Variants in APC2 observed in about 807,000 individuals in gnomAD.
APC2 encodes the protein APC regulator of Wnt signaling pathway 2.
A neutral mutation model predicts 72.5 loss-of-function variants in APC2; 41 were observed. The observed-to-expected ratio is 0.57, with a 90% CI of 0.44 to 0.73. The LOEUF (loss-of-function observed/expected upper bound fraction) is 0.73. Among genes scored for constraint, APC2 ranks in the 30% least tolerant of loss-of-function variants. The pLI is 0.00. For missense variants in APC2, 3,729 were observed against 3,403.4 expected (o/e 1.10, Z -2.38); for synonymous variants, 1,898 against 1,612.0 (o/e 1.18, Z -4.25).
Position 1,450,144 on chromosome 19 carries a change from G to A in APC2, c.-213G>A, listed in dbSNP as rs953503917. The A allele has an allele frequency of 6.1e-6, 6 of 985,122 alleles. No homozygotes were observed. The highest frequency in any genetic ancestry group is 5.2e-5 in the African/African-American group (3 of 57,196). The allele number at this position is 985,122 out of a possible 1,614,324, so 61.0% of individuals were successfully genotyped here. A position where few individuals can be genotyped will look rare whatever the true frequency, so the allele number is the denominator to read the frequency against. The stretch of plus-strand genomic sequence containing the variant: ...TCGCGGTGGTCTCGCCCAGCGCTAG[G>A]AGCGGCAGCGCCGCCTGCCCAGGCC... On this transcript the variant is annotated 5_prime_UTR_variant, in exon 1 of 15. Coordinates refer to ENST00000590469, the MANE Select transcript of APC2 (RefSeq NM_005883.3).
Position 1,469,165 on chromosome 19 carries a change from G to A in APC2, c.5864G>A (p.Gly1955Asp), listed in dbSNP as rs1427484389. The part of the protein sequence containing the change: ...ARAVPEPGPR[G>D]RAGTEAGPGA... ...GCAGTCCCGGAGCCGGGCCCCAGGG[G>A]CCGGGCGGGGACCGAGGCGGGCCCG... Residue 1955 changes from glycine (G) to aspartate (D), a missense_variant, in exon 15 of 15, where the codon GGC becomes GAC. By Grantham distance (94) the Gly-to-Asp change is moderately conservative. Coordinates refer to ENST00000590469, the MANE Select transcript of APC2 (RefSeq NM_005883.3). 11 of 1,281,140 alleles carry A rather than the reference G, an allele frequency of 8.6e-6. No individual in the cohort carries two copies. In the East Asian group the frequency reaches 1.9e-4, roughly 22 times the overall value. The allele number at this position is 1,281,140 out of a possible 1,614,324, so 79.4% of individuals were successfully genotyped here.
chr19:1,467,130 A>G lies in APC2; in HGVS notation c.3829A>G (p.Ser1277Gly). Residue 1277 changes from serine to glycine, a missense_variant, in exon 15 of 15, where the codon AGC (serine) becomes GGC (glycine). Transcript: ENST00000590469. ...KPDENFSCAS[S>G]LSALALHEHY... ...AGACGAGAACTTCTCGTGCGCCTCC[A>G]GCCTCAGCGCGCTGGCCTTGCACGA... 1.9e-6 allele frequency: 3 copies of G among 1,587,112 alleles called. No homozygotes were observed. The highest frequency in any genetic ancestry group is 2.6e-6 in the Non-Finnish European group (3 of 1,166,132).
rs181292388 is a variant in APC2, at chr19:1,458,227, C to G, written c.1303+167C>G. Reference sequence around the variant, plus strand: ...CACATAGCACCTCTCATGAGTGGACCGTCACCCTGGGCCCTCTGTCCCCAT... The same window carrying G: ...CACATAGCACCTCTCATGAGTGGACGGTCACCCTGGGCCCTCTGTCCCCAT... On this transcript the variant is annotated intron_variant, in intron 10 of 14. Coordinates refer to ENST00000590469, the MANE Select transcript of APC2 (RefSeq NM_005883.3). The G allele has an allele frequency of 4.6e-6, 3 of 652,652 alleles. No homozygotes were observed. In the Admixed American group the frequency reaches 7.3e-5, roughly 16 times the overall value. The allele number at this position is 652,652 out of a possible 1,614,324, so 40.4% of individuals were successfully genotyped here.
At position 1,466,698 on chromosome 19, in the gene APC2, C is replaced by G. The variant is rs200660071; in HGVS notation, c.3397C>G (p.Arg1133Gly). Reference sequence around the variant, plus strand: ...AGCCATTCCGGCTCCCCGGCGTAACCGAGGCCGGGGCCTGGGGGTGGAAGA... The same window carrying G: ...AGCCATTCCGGCTCCCCGGCGTAACGGAGGCCGGGGCCTGGGGGTGGAAGA... ...PVAIPAPRRN[R>G]GRGLGVEDAT... Residue 1133 changes from arginine to glycine, a missense_variant, in exon 15 of 15, where the codon CGA (arginine) becomes GGA (glycine). By Grantham distance (125) the Arg-to-Gly change is moderately radical. Transcript: ENST00000590469. 2.5e-5 allele frequency: 38 copies of G among 1,521,294 alleles called. No homozygotes were observed. In the Middle Eastern group the frequency reaches 1.0e-3, roughly 41 times the overall value. The allele number at this position is 1,521,294 out of a possible 1,614,324, so 94.2% of individuals were successfully genotyped here.
chr19:1,460,902 A>T (rs775899156), intron 12 of APC2, 45 bp downstream of exon 12: 1 of 1,607,584 alleles, frequency 6.2e-7, no homozygotes, highest in Admixed American at 1.7e-5. Flanking sequence ...TGTCCCTGAT[A>T]GGCAGAGGCC....
Position 1,469,403 on chromosome 19 carries a change from C to T in APC2, c.6102C>T (p.Pro2034=). The change falls in exon 15 of 15, where the codon CCC becomes CCT. Residue 2034 remains proline, a synonymous_variant. Transcript: ENST00000590469. ...CCCGCCGCGGCCGGCCCGCGCTGCC[C>T]GCCGTCTTCCTCTGCTCCTCGCGCT... The part of the protein sequence containing the change: ...ASPRRGRPAL[P]AVFLCSSRCE... The T allele has an allele frequency of 8.3e-7, 1 of 1,207,932 alleles. No homozygotes were observed. Among genetic ancestry groups the T allele is most frequent in the Non-Finnish European group, 1.0e-6 (1 of 973,164 alleles). The allele number at this position is 1,207,932 out of a possible 1,614,324, so 74.8% of individuals were successfully genotyped here.
chr19:1,469,241 C>T lies in APC2; in HGVS notation c.5940C>T (p.Ser1980=), dbSNP rs1235251032. 3 of 1,425,722 alleles carry T rather than the reference C, an allele frequency of 2.1e-6. No homozygotes were observed. Among genetic ancestry groups the T allele is most frequent in the Admixed American group, 5.0e-5 (2 of 40,380 alleles). 88.3% of individuals were successfully genotyped at this position (1,425,722 alleles called of 1,614,324 possible). A position where few individuals can be genotyped will look rare whatever the true frequency, so the allele number is the denominator to read the frequency against. ...TGGTGCGTGTGGCCTCAGCCCTCTC[C>T]AGCGGCAGCGAGTCCTCCGACCGCT... ...LGLVRVASAL[S]SGSESSDRSG... is the part of the protein sequence containing the mutation. The change falls in exon 15 of 15, where the codon TCC becomes TCT. Residue 1980 remains serine, a synonymous_variant. Coordinates refer to ENST00000590469, the MANE Select transcript of APC2 (RefSeq NM_005883.3).
rs1217512675 is a variant in APC2, at chr19:1,469,568, C to G, written c.6267C>G (p.Pro2089=). The G allele has an allele frequency of 8.0e-7, 1 of 1,242,852 alleles. No homozygotes were observed. Among genetic ancestry groups the G allele is most frequent in the Admixed American group, 3.1e-5 (1 of 32,376 alleles). The allele number at this position is 1,242,852 out of a possible 1,614,324, so 77.0% of individuals were successfully genotyped here. ...CGTCCCGCCTGCCTGTGCGCGCGCC[C>G]GCCGCCCGGCCGGAGACTGTCAAGC... ...ESPSRLPVRA[P]AARPETVKRY... The change falls in exon 15 of 15, where the codon CCC becomes CCG. Residue 2089 remains proline (P), a synonymous_variant. Coordinates refer to ENST00000590469, the MANE Select transcript of APC2 (RefSeq NM_005883.3).
Position 1,469,639 on chromosome 19 carries a change from G to A in APC2, c.6338G>A (p.Gly2113Asp). 2.4e-6 allele frequency: 3 copies of A among 1,231,572 alleles called. No individual in the cohort carries two copies. Among genetic ancestry groups the A allele is most frequent in the South Asian group, 2.9e-5 (1 of 34,910 alleles). 76.3% of individuals were successfully genotyped at this position (1,231,572 alleles called of 1,614,324 possible). A position where few individuals can be genotyped will look rare whatever the true frequency, so the allele number is the denominator to read the frequency against. Residue 2113 changes from glycine to aspartate, a missense_variant, in exon 15 of 15, where the codon GGC becomes GAC. Coordinates refer to ENST00000590469, the MANE Select transcript of APC2 (RefSeq NM_005883.3). ...ATCAGCGTGGCCCGCAGGCCCGACG[G>A]CGCCGTCCCCGCGGCCCCTGCCTCA... ...PHISVARRPD[G>D]AVPAAPASAD...
At chr19:1,465,130 A>G (rs1599152824) in intron 14 of APC2, 25 bp from the exon 15 acceptor site, 4 of 1,580,796 alleles carry the variant, frequency 2.5e-6, no homozygotes, top group Non-Finnish European at 3.4e-6. Flanking sequence ...GGGGTGGCCC[A>G]GGCTAACCCG....
rs769477376 is a variant in APC2, at chr19:1,465,661, T to G, written c.2360T>G (p.Leu787Arg). Residue 787 changes from leucine to arginine, a missense_variant, in exon 15 of 15, where the codon CTG becomes CGG. Physicochemically the swap from Leu to Arg is moderately radical, Grantham distance 102. Transcript: ENST00000590469. ...CFDDDDAPSS[L>R]AAAAATGEPA... Reference sequence around the variant, plus strand: ...GACGACGACGATGCACCGTCATCCCTGGCTGCGGCCGCGGCCACCGGGGAG... The same window carrying G: ...GACGACGACGATGCACCGTCATCCCGGGCTGCGGCCGCGGCCACCGGGGAG... 6.2e-7 allele frequency: 1 copy of G among 1,600,988 alleles called. No individual in the cohort carries two copies. Among genetic ancestry groups the G allele is most frequent in the South Asian group, 1.1e-5 (1 of 89,466 alleles).
chr19:1,463,380 T>G (rs901557949), intron 14 of APC2, among the ~76,000 whole-genome samples: 4 of 147,236 alleles, frequency 2.7e-5, no homozygotes, highest in African/African-American at 5.2e-5. Context: ...ATCACACCAC[T>G]GCATTCCAGC....
rs1392598985 is a variant in APC2, at chr19:1,468,936, A to C, written c.5635A>C (p.Thr1879Pro). ...GACCCCCTCCTCCAGCTCCTCCCAG[A>C]CCTCGCCCGCCTCCCAGCCCCTGCC... ...AKTPSSSSSQTSPASQPLPRK... is the reference protein window; with the variant it reads ...AKTPSSSSSQPSPASQPLPRK... The change falls in exon 15 of 15, where the codon ACC becomes CCC. Residue 1879 changes from threonine (T) to proline (P), a missense_variant. Transcript: ENST00000590469. 1.3e-6 allele frequency: 2 copies of C among 1,536,010 alleles called. No homozygotes were observed. The highest frequency in any genetic ancestry group is 1.7e-6 in the Non-Finnish European group (2 of 1,147,918).
intron 14 of APC2, among the ~76,000 whole-genome samples, chr19:1,462,827 T>G (rs1225113695): frequency 2.0e-5 from 3 of 146,360 alleles, no homozygotes; most frequent in African/African-American, 7.6e-5. Context: ...AAAAATTAGC[T>G]GGGCATGGTG....
At chr19:1,461,255 C>A in intron 13 of APC2, 102 bp downstream of exon 13, 1 of 989,734 alleles carries the variant, frequency 1.0e-6, no homozygotes, top group Non-Finnish European at 1.6e-6. Context: ...TCAAGTTGAA[C>A]AGCTCACTGC....
Position 1,468,926 on chromosome 19 carries a change from C to G in APC2, c.5625C>G (p.Ser1875Arg). 1 of 1,537,364 alleles carries G rather than the reference C, an allele frequency of 6.5e-7. No homozygotes were observed. Among genetic ancestry groups the G allele is most frequent in the Non-Finnish European group, 8.7e-7 (1 of 1,148,968 alleles). The change falls in exon 15 of 15, where the codon AGC becomes AGG. Residue 1875 changes from serine to arginine, a missense_variant. By Grantham distance (110) the Ser-to-Arg change is moderately radical (BLOSUM62 -1). Coordinates refer to ENST00000590469, the MANE Select transcript of APC2 (RefSeq NM_005883.3). The stretch of plus-strand genomic sequence containing the variant: ...GCCTCGCCAAGACCCCCTCCTCCAG[C>G]TCCTCCCAGACCTCGCCCGCCTCCC... ...PARLAKTPSS[S>R]SSQTSPASQP...
rs112087563 is a variant in APC2, at chr19:1,461,635, A to G, written c.1639-328A>G. 2,668 of 327,094 alleles carry G rather than the reference A, an allele frequency of 8.2e-3. 68 individuals are homozygous for G. The highest frequency in any genetic ancestry group is 0.05 in the African/African-American group (2,314 of 46,302). 20.3% of individuals were successfully genotyped at this position (327,094 alleles called of 1,614,324 possible). A position where few individuals can be genotyped will look rare whatever the true frequency, so the allele number is the denominator to read the frequency against. On this transcript the variant is annotated intron_variant, in intron 13 of 14. Transcript: ENST00000590469. ...TGGGAGGCCGAGGCGGGCGGATCAC[A>G]AGGTCAGGAGATCGAGACCATCCTG...
At chr19:1,453,920 G>T (rs990905395) in intron 4 of APC2, among the ~76,000 whole-genome samples, 36 of 152,358 alleles carry the variant, frequency 2.4e-4, no homozygotes, top group Non-Finnish European at 8.8e-5. Context: ...CGTCGCCAGG[G>T]ACCGGGCTGT....
rs559436330 is a variant in APC2, at chr19:1,457,766, T to C, written c.1208-199T>C. ...GTGGTGCTCCAGGAACTACCTCGCC[T>C]CCCTTCCCAAGGCTGAGTGAGAGAG... On this transcript the variant is annotated intron_variant, in intron 9 of 14. Transcript: ENST00000590469. 146 of 606,160 alleles carry C rather than the reference T, an allele frequency of 2.4e-4. 1 individual carries two copies. In the East Asian group the frequency reaches 4.1e-3, roughly 17 times the overall value. 37.5% of individuals were successfully genotyped at this position (606,160 alleles called of 1,614,324 possible).
Sources: gnomAD v4.1 joint callset for allele counts (sites outside exome capture counted in the v4.1 genomes callset) on GRCh38, gnomAD v4.1.1 for gene constraint, MANE v1.5 for transcripts, NCBI Gene and HGNC (gene_info 2026-07-23, HGNC 2026-07-21) for gene names.